The following EGR2 variants were observed in gnomAD, a reference collection of about 807,000 sequenced individuals.
EGR2 encodes E3 SUMO-protein ligase EGR2.
Under a neutral mutation model 21.2 loss-of-function variants are expected in EGR2, and 2 were observed. The ratio of observed to expected loss-of-function variants is 0.09; its 90% CI spans 0.04 to 0.30. EGR2 has a LOEUF of 0.30. EGR2 is among the 10% of genes least tolerant of loss of function. EGR2 has a pLI of 1.00. For synonymous variants in EGR2, 282 were observed against 258.2 expected (o/e 1.09, Z -0.88); for missense variants, 458 against 630.2 (o/e 0.73, Z 2.93).
At position 62,814,443 on chromosome 10, in the gene EGR2, A is replaced by G; in HGVS notation, c.195T>C (p.Thr65=). The stretch of plus-strand genomic sequence containing the variant: ...GGAGATCCAACGACCTCTTCTCTCC[A>G]GTCATGTCAATGTTGATCATGCCAT... ...AGDGMINIDM[T]GEKRSLDLPY... Residue 65 remains threonine, a synonymous_variant, in exon 2 of 2, where the codon ACT becomes ACC. Coordinates refer to ENST00000242480, the MANE Select transcript of EGR2 (RefSeq NM_000399.5). This position sits in a 1 kb window ranked among gnomAD's most constrained non-coding sequence, Gnocchi z 4.8. 6.2e-7 allele frequency: 1 copy of G among 1,614,136 alleles called. No individual in the cohort carries two copies. Among genetic ancestry groups the G allele is most frequent in the Non-Finnish European group, 8.5e-7 (1 of 1,180,016 alleles).
upstream of EGR2, among the ~76,000 whole-genome samples, chr10:62,818,187 C>T (rs562289919): frequency 9.9e-5 from 15 of 152,120 alleles, no homozygotes; most frequent in African/African-American, 3.4e-4. Context: ...ACCGCTGCAG[C>T]CGTGCGCCAG....
In EGR2 at chr10:62,813,621, G is replaced by A. The variant is rs1457048174; in HGVS notation, c.1017C>T (p.Pro339=). The change falls in exon 2 of 2, where the codon CCC becomes CCT. Residue 339 remains proline, a synonymous_variant. Transcript: ENST00000242480. The surrounding 1 kb of genome is among the most constrained non-coding windows in gnomAD (Gnocchi z 5.7). ...RPSKTPVHER[P]YPCPAEGCDR... ...CGCAGCCTTCTGCTGGGCACGGGTA[G>A]GGCCTCTCGTGCACCGGCGTCTTGC... is the stretch of plus-strand genomic sequence containing the variant. 1 of 1,612,992 alleles carries A rather than the reference G, an allele frequency of 6.2e-7. No individual in the cohort carries two copies. The highest frequency in any genetic ancestry group is 1.7e-5 in the Admixed American group (1 of 60,036).
Position 62,813,900 on chromosome 10 carries a change from A to G in EGR2, c.738T>C (p.Arg246=). ...RDLHGTAGPD[R]KPFPCPLDTL... ...TGTCCAGTGGGCAGGGAAAGGGCTT[A>G]CGGTCTGGGCCAGCTGTACCATGTA... The change falls in exon 2 of 2, where the codon CGT becomes CGC. Residue 246 remains arginine, a synonymous_variant. Transcript: ENST00000242480. The surrounding 1 kb of genome is among the most constrained non-coding windows in gnomAD (Gnocchi z 5.7). 1 of 1,614,156 alleles carries G rather than the reference A, an allele frequency of 6.2e-7. No individual in the cohort carries two copies. The highest frequency in any genetic ancestry group is 8.5e-7 in the Non-Finnish European group (1 of 1,180,014).
chr10:62,818,642 C>A, upstream of EGR2: 1 of 1,261,574 alleles, frequency 7.9e-7, no homozygotes, highest in East Asian at 6.2e-5. Context: ...ACTCGCATCT[C>A]GGGCCCTGAG....
In EGR2 at chr10:62,816,317, G is replaced by A; in HGVS notation, c.-288C>T. The stretch of plus-strand genomic sequence containing the variant: ...TTGCTGGTGTAGTGTTATTATAACA[G>A]TCAGTGAGTCCCCTCGCCGAGCTAT... On this transcript the variant is annotated 5_prime_UTR_variant, in exon 1 of 2. Transcript: ENST00000242480. The A allele has an allele frequency of 1.5e-6, 2 of 1,294,554 alleles. No individual in the cohort carries two copies. Among genetic ancestry groups the A allele is most frequent in the Non-Finnish European group, 9.9e-7 (1 of 1,011,858 alleles). The allele number at this position is 1,294,554 out of a possible 1,614,324, so 80.2% of individuals were successfully genotyped here.
In EGR2 at chr10:62,814,163, G is replaced by T. The variant is rs778210403; in HGVS notation, c.475C>A (p.Pro159Thr). ...LGVCTMSQTQ[P>T]DLDHLYSPPP... The stretch of plus-strand genomic sequence containing the variant: ...GGAGAGTACAGGTGGTCCAGGTCAG[G>T]CTGGGTCTGGGACATGGTGCACACA... Residue 159 changes from proline (P) to threonine (T), a missense_variant, in exon 2 of 2, where the codon CCT (proline) becomes ACT (threonine). Around this residue, in one of 5 missense-constraint regions of EGR2, gnomAD observed 253 missense variants for 315.5 expected, o/e 0.80. Coordinates refer to ENST00000242480, the MANE Select transcript of EGR2 (RefSeq NM_000399.5). This position sits in a 1 kb window ranked among gnomAD's most constrained non-coding sequence, Gnocchi z 4.8. The T allele has an allele frequency of 3.7e-6, 6 of 1,614,152 alleles. No individual in the cohort carries two copies. Among genetic ancestry groups the T allele is most frequent in the Admixed American group, 3.3e-5 (2 of 60,028 alleles).
chr10:62,818,647 C>T, upstream of EGR2: 1 of 1,261,212 alleles, frequency 7.9e-7, no homozygotes, highest in South Asian at 1.3e-5. Flanking sequence ...CATCTCGGGC[C>T]CTGAGTCCGA....
upstream of EGR2, among the ~76,000 whole-genome samples, chr10:62,816,703 G>A (rs894261665): frequency 3.9e-5 from 6 of 152,172 alleles, no homozygotes; most frequent in African/African-American, 1.4e-4. Context: ...GGGGCGGGGA[G>A]GAATTCCGGT....
chr10:62,818,101 C>T (rs1589084219), upstream of EGR2, among the ~76,000 whole-genome samples: 1 of 152,228 alleles, frequency 6.6e-6, no homozygotes, highest in South Asian at 2.1e-4. Flanking sequence ...TGGGCCGGGG[C>T]GGGCGGGAGC....
At chr10:62,818,236 G>A (rs1441787800), upstream of EGR2, among the ~76,000 whole-genome samples, 1 of 152,202 alleles carries the variant, frequency 6.6e-6, no homozygotes, top group Non-Finnish European at 1.5e-5. Context: ...AGGGCCCTGA[G>A]GCTGCCGGGA....
At chr10:62,818,668 G>T (rs1364149044), upstream of EGR2, 2 of 1,232,666 alleles carry the variant, frequency 1.6e-6, no homozygotes, top group Non-Finnish European at 2.1e-6. Context: ...AAGAACGGGG[G>T]AAAGCCGAAT....
rs776165437 is a variant in EGR2 at position 62,813,945 on chromosome 10, T to C, written c.693A>G (p.Pro231=). ...PMIPDYPGFF[P]SQCQRDLHGT... The stretch of plus-strand genomic sequence containing the variant: ...CATGTAGGTCTCTCTGGCACTGAGA[T>C]GGAAAGAATCCAGGATAGTCTGGGA... The change falls in exon 2 of 2, where the codon CCA becomes CCG. Residue 231 remains proline (P), a synonymous_variant. Coordinates refer to ENST00000242480, the MANE Select transcript of EGR2 (RefSeq NM_000399.5). This position sits in a 1 kb window ranked among gnomAD's most constrained non-coding sequence, Gnocchi z 5.7. 1 of 1,614,122 alleles carries C rather than the reference T, an allele frequency of 6.2e-7. No individual in the cohort carries two copies. Among genetic ancestry groups the C allele is most frequent in the South Asian group, 1.1e-5 (1 of 91,076 alleles).
upstream of EGR2, among the ~76,000 whole-genome samples, chr10:62,817,305 A>ACACACT (rs1838275041): frequency 6.6e-6 from 1 of 151,892 alleles, no homozygotes; most frequent in Admixed American, 6.6e-5. The surrounding 1 kb of genome is among the most constrained non-coding windows in gnomAD (Gnocchi z 4.4). Flanking sequence ...ACACATACAC[A>ACACACT]CACACTCACA....
At position 62,813,714 on chromosome 10, in the gene EGR2, G is replaced by A. The variant is rs886047093; in HGVS notation, c.924C>T (p.Ala308=). 20 of 1,610,716 alleles carry A rather than the reference G, an allele frequency of 1.2e-5. No homozygotes were observed. The highest frequency in any genetic ancestry group is 2.2e-5 in the East Asian group (1 of 44,856). ...SSAAAAAAAA[A]AYNPHHLPLR... Reference sequence around the variant, plus strand: ...GTGGCAGGTGGTGTGGGTTATAGGCGGCGGCGGCGGCGGCTGCTGCTGCTG... The same window carrying A: ...GTGGCAGGTGGTGTGGGTTATAGGCAGCGGCGGCGGCGGCTGCTGCTGCTG... The change falls in exon 2 of 2, where the codon GCC becomes GCT. Residue 308 remains alanine (A), a synonymous_variant. Coordinates refer to ENST00000242480, the MANE Select transcript of EGR2 (RefSeq NM_000399.5). The surrounding 1 kb of genome is among the most constrained non-coding windows in gnomAD (Gnocchi z 5.7).
chr10:62,817,844 G>C (rs1329058724), upstream of EGR2, among the ~76,000 whole-genome samples: 1 of 152,152 alleles, frequency 6.6e-6, no homozygotes, highest in Non-Finnish European at 1.5e-5. The surrounding 1 kb of genome is among the most constrained non-coding windows in gnomAD (Gnocchi z 4.4). Flanking sequence ...CTACCTCCCA[G>C]TGCGCCCCAG....
chr10:62,818,618 CGGAA>C (rs1248647119), upstream of EGR2: 2 of 1,272,696 alleles, frequency 1.6e-6, no homozygotes, highest in Non-Finnish European at 2.0e-6. Flanking sequence ...GACGACGCCT[CGGAA>C]GGGAGTCCGA....
chr10:62,818,847 A>G (rs1838318396), upstream of EGR2, among the ~76,000 whole-genome samples: 1 of 152,024 alleles, frequency 6.6e-6, no homozygotes, highest in South Asian at 2.1e-4. Flanking sequence ...CCGCCCCGCG[A>G]CTGGCGCTGC....
At chr10:62,815,213 G>A (rs1005342784) in intron 1 of EGR2, among the ~76,000 whole-genome samples, 1 of 152,236 alleles carries the variant, frequency 6.6e-6, no homozygotes, top group African/African-American at 2.4e-5. Context: ...CGTCGCCGGT[G>A]CCCCCGCGGG....
Position 62,812,930 on chromosome 10 carries a change from C to T in EGR2, c.*277G>A. On this transcript the variant is annotated 3_prime_UTR_variant, in exon 2 of 2. Transcript: ENST00000242480. Reference sequence around the variant, plus strand: ...ACAACCCTTTAAAGCAGGGTCAGACCTCAGCCCTCTTGGCCAGGGGTCCCC... The same window carrying T: ...ACAACCCTTTAAAGCAGGGTCAGACTTCAGCCCTCTTGGCCAGGGGTCCCC... 1 of 367,202 alleles carries T rather than the reference C, an allele frequency of 2.7e-6. No individual in the cohort carries two copies. Among genetic ancestry groups the T allele is most frequent in the South Asian group, 9.2e-5 (1 of 10,816 alleles). The allele number at this position is 367,202 out of a possible 1,614,324, so 22.7% of individuals were successfully genotyped here. A position where few individuals can be genotyped will look rare whatever the true frequency, so the allele number is the denominator to read the frequency against.
Sources: allele counts gnomAD v4.1 joint callset (sites outside exome capture counted in the v4.1 genomes callset), GRCh38; gene constraint gnomAD v4.1.1; regional missense constraint gnomAD v4.1.1; non-coding constraint Gnocchi (gnomAD v3.1); transcripts MANE v1.5; gene names NCBI Gene and HGNC (gene_info 2026-07-23, HGNC 2026-07-21).